The following MZT2B variants were observed in gnomAD, a reference collection of about 807,000 sequenced individuals.
MZT2B encodes mitotic-spindle organizing protein 2B.
A neutral mutation model predicts 12.1 loss-of-function variants in MZT2B; 11 were observed. That is an observed-to-expected ratio of 0.91 (90% CI 0.57 to 1.50). The LOEUF is 1.50. Ranked by LOEUF, MZT2B falls within the 40% of genes most tolerant of loss-of-function variation. MZT2B has a pLI of 0.00. For missense variants in MZT2B, 209 were observed against 227.7 expected, an observed-to-expected ratio of 0.92 and a Z score of 0.53; for synonymous variants, 85 against 109.5, an observed-to-expected ratio of 0.78 and a Z score of 1.40.
At chr2:130,191,920 G>A (rs752530919), downstream of MZT2B, 8 of 1,613,840 alleles carry the variant, frequency 5.0e-6, no homozygotes, top group African/African-American at 2.7e-5. Flanking sequence ...AGGTCCTCGC[G>A]GGCCTCAGAG....
chr2:130,190,757 T>TTG (rs1663225622), downstream of MZT2B: 1 of 1,430,212 alleles, frequency 7.0e-7, no homozygotes, highest in East Asian at 2.5e-5. Context: ...TTTTTTTGTT[T>TTG]TTTTTTTTAT....
chr2:130,182,126 T>A (rs1489811787), upstream of MZT2B: 1 of 1,270,248 alleles, frequency 7.9e-7, no homozygotes. Context: ...ACTGTTGGGC[T>A]TCAATGACGC....
At chr2:130,195,320 G>T (rs1690378418), downstream of MZT2B, 7 of 1,517,950 alleles carry the variant, frequency 4.6e-6, no homozygotes, top group South Asian at 9.0e-5. Flanking sequence ...CAGAGCACAT[G>T]CTGTTCAAAG....
downstream of MZT2B, chr2:130,191,648 C>T: frequency 8.9e-7 from 1 of 1,117,902 alleles, no homozygotes; most frequent in Admixed American, 2.9e-5. Context: ...CAACCCCACG[C>T]CAGCAGGGCA....
At chr2:130,201,699 A>G in the MZT2B span, among the ~76,000 whole-genome samples, 61,751 of 151,816 alleles carry the variant, frequency 0.41, 12,738 homozygotes, top group Admixed American at 0.48. Flanking sequence ...CCAGCCACGC[A>G]TCCTTCAGCG....
chr2:130,190,379 C>A (rs987939951), intron 2 of MZT2B, 90 bp from the exon 3 acceptor site: 8 of 1,563,004 alleles, frequency 5.1e-6, no homozygotes, highest in South Asian at 2.3e-5. Context: ...AATGTGCAGA[C>A]ACAAATGTTG....
At chr2:130,202,986 T>C in the MZT2B span, among the ~76,000 whole-genome samples, 1 of 152,308 alleles carries the variant, frequency 6.6e-6, no homozygotes, top group African/African-American at 2.4e-5. Context: ...ATCTGAACTT[T>C]ATATTCAAAT....
the MZT2B span, among the ~76,000 whole-genome samples, chr2:130,199,422 C>CAT: frequency 8.3e-6 from 1 of 120,968 alleles, no homozygotes; most frequent in Non-Finnish European, 1.8e-5. Flanking sequence ...TGGTGGCATG[C>CAT]GCCTGTAATC....
the MZT2B span, among the ~76,000 whole-genome samples, chr2:130,200,639 AG>A: frequency 6.6e-6 from 1 of 152,200 alleles, no homozygotes; most frequent in Non-Finnish European, 1.5e-5. Flanking sequence ...CTTTGGTGAG[AG>A]GGAGTGGGTT....
chr2:130,185,830 G>A (rs1487540409), intron 2 of MZT2B, among the ~76,000 whole-genome samples: 1 of 152,176 alleles, frequency 6.6e-6, no homozygotes. Context: ...GTGGCCTGGA[G>A]TGCTGGGACC....
chr2:130,194,093 A>G, downstream of MZT2B: 2 of 1,614,214 alleles, frequency 1.2e-6, no homozygotes, highest in Non-Finnish European at 1.7e-6. Context: ...CGTCAAGTCC[A>G]CATTCAGGGC....
At chr2:130,196,291 A>G in the MZT2B span, 1 of 1,613,974 alleles carries the variant, frequency 6.2e-7, no homozygotes, top group East Asian at 2.2e-5. Context: ...GCTGAATTCC[A>G]TGTTCAAGGC....
downstream of MZT2B, among the ~76,000 whole-genome samples, chr2:130,195,536 C>T (rs1290831604): frequency 6.6e-6 from 1 of 152,230 alleles, no homozygotes; most frequent in Non-Finnish European, 1.5e-5. Context: ...CGTGTAGCTA[C>T]ATCAAAGGCT....
intron 1 of MZT2B, 64 bp downstream of exon 1, chr2:130,182,516 C>T (rs1689767391): frequency 2.6e-6 from 4 of 1,542,670 alleles, no homozygotes; most frequent in Non-Finnish European, 3.5e-6. Flanking sequence ...TTTCCGGGTA[C>T]GCCCGGCCCG....
At chr2:130,190,931 C>T (rs377508507), downstream of MZT2B, among the ~76,000 whole-genome samples, 41 of 152,010 alleles carry the variant, frequency 2.7e-4, no homozygotes, top group African/African-American at 9.7e-4. Flanking sequence ...ACAAGCTTCA[C>T]TTGAAGTGAA....
Position 130,182,324 on chromosome 2 carries a change from G to C in MZT2B, c.42G>C (p.Ala14=). The C allele has an allele frequency of 1.3e-6, 2 of 1,519,014 alleles. No homozygotes were observed. The highest frequency in any genetic ancestry group is 1.8e-6 in the Non-Finnish European group (2 of 1,140,006). The allele number at this position is 1,519,014 out of a possible 1,614,324, so 94.1% of individuals were successfully genotyped here. The change falls in exon 1 of 3, where the codon GCG becomes GCC. Residue 14 remains alanine, a synonymous_variant. Coordinates refer to ENST00000281871, the MANE Select transcript of MZT2B (RefSeq NM_025029.5). The part of the protein sequence containing the change: ...QGVGPGPGSA[A]PPGLEAARQK... Reference sequence around the variant, plus strand: ...TAGGGCCTGGGCCGGGGTCGGCGGCGCCCCCGGGGCTGGAGGCGGCCCGGC... The same window carrying C: ...TAGGGCCTGGGCCGGGGTCGGCGGCCCCCCCGGGGCTGGAGGCGGCCCGGC...
chr2:130,188,053 C>A (rs894057449), intron 2 of MZT2B: 1 of 141,850 alleles, frequency 7.0e-6, no homozygotes, highest in African/African-American at 2.6e-5. Flanking sequence ...CTAAACCCCC[C>A]TCCCCCACCA....
At chr2:130,200,973 G>A in the MZT2B span, among the ~76,000 whole-genome samples, 1 of 152,204 alleles carries the variant, frequency 6.6e-6, no homozygotes, top group South Asian at 2.1e-4. Context: ...CTTACCCCCA[G>A]CTCATCACCA....
At chr2:130,202,780 G>A in the MZT2B span, among the ~76,000 whole-genome samples, 4 of 152,158 alleles carry the variant, frequency 2.6e-5, no homozygotes, top group African/African-American at 4.8e-5. Context: ...AATGAGGAAC[G>A]ATGTCCAGAG....
Sources: gnomAD v4.1 joint callset for allele counts (sites outside exome capture counted in the v4.1 genomes callset) on GRCh38, gnomAD v4.1.1 for gene constraint, MANE v1.5 for transcripts, NCBI Gene and HGNC (gene_info 2026-07-23, HGNC 2026-07-21) for gene names.